The following FSTL5 variants were observed in gnomAD, a reference collection of about 807,000 sequenced individuals.
FSTL5 encodes the protein follistatin-related protein 5.
In FSTL5, 62 loss-of-function variants were observed where a neutral mutation model predicts 89.1. That is an observed-to-expected ratio of 0.70 (90% CI 0.57 to 0.86). The LOEUF (loss-of-function observed/expected upper bound fraction) is 0.86. FSTL5 is among the 40% of genes least tolerant of loss of function. FSTL5 has a pLI of 0.00. For missense variants in FSTL5, 1,057 were observed against 1,001.6 expected, an observed-to-expected ratio of 1.06 and a Z score of -0.75; for synonymous variants, 383 against 346.2, an observed-to-expected ratio of 1.11 and a Z score of -1.18.
intron 4 of FSTL5, among the ~76,000 whole-genome samples, chr4:161,864,749 G>A (rs1732023277): frequency 6.6e-6 from 1 of 151,718 alleles, no homozygotes; most frequent in Non-Finnish European, 1.5e-5. Flanking sequence ...GTGTGCACCT[G>A]TAGTCCCAGT....
chr4:161,616,397 T>C (rs867833786), intron 7 of FSTL5, among the ~76,000 whole-genome samples: 67 of 152,298 alleles, frequency 4.4e-4, no homozygotes, highest in African/African-American at 1.6e-3. Flanking sequence ...CCAGCCTACA[T>C]CTTTCTCTCA....
chr4:161,804,427 T>G (rs1729895412), intron 4 of FSTL5, among the ~76,000 whole-genome samples: 1 of 151,988 alleles, frequency 6.6e-6, no homozygotes, highest in African/African-American at 2.4e-5. Context: ...TTATTTCAAT[T>G]CCATTTTACT....
intron 6 of FSTL5, among the ~76,000 whole-genome samples, chr4:161,709,164 G>A (rs1738689731): frequency 6.6e-6 from 1 of 152,006 alleles, no homozygotes; most frequent in Non-Finnish European, 1.5e-5. Context: ...AGTTTTAGTG[G>A]ACTGGAGGCA....
intron 3 of FSTL5, among the ~76,000 whole-genome samples, chr4:162,011,505 T>C (rs1736765675): frequency 1.3e-5 from 2 of 152,170 alleles, no homozygotes; most frequent in South Asian, 2.1e-4. Flanking sequence ...ACTTTTTTTT[T>C]TCTTTGAGAC....
At chr4:161,811,100 A>G (rs1040755488) in intron 4 of FSTL5, among the ~76,000 whole-genome samples, 4 of 152,200 alleles carry the variant, frequency 2.6e-5, no homozygotes, top group Non-Finnish European at 5.9e-5. Context: ...AAATACAAAT[A>G]TAAACAAACT....
intron 3 of FSTL5, among the ~76,000 whole-genome samples, chr4:161,929,044 T>C (rs1021405398): frequency 6.6e-6 from 1 of 151,716 alleles, no homozygotes; most frequent in Admixed American, 6.6e-5. Context: ...AATTTGTGAT[T>C]CAAGCTGAAT....
intron 4 of FSTL5, among the ~76,000 whole-genome samples, chr4:161,835,289 T>A (rs1378691447): frequency 6.6e-6 from 1 of 152,050 alleles, no homozygotes; most frequent in Non-Finnish European, 1.5e-5. Flanking sequence ...TTACACCTTA[T>A]ACAAAAATTA....
intron 6 of FSTL5, among the ~76,000 whole-genome samples, chr4:161,735,175 G>A (rs75686590): frequency 2.0e-5 from 3 of 152,160 alleles, no homozygotes; most frequent in Admixed American, 1.3e-4. Context: ...AGGGAAAAAC[G>A]TATTTAATGC....
chr4:162,025,984 A>T (rs990101027), intron 3 of FSTL5, among the ~76,000 whole-genome samples: 5 of 151,980 alleles, frequency 3.3e-5, no homozygotes, highest in African/African-American at 1.2e-4. Flanking sequence ...ATTCTAAAAA[A>T]TCCAAGCAAA....
At chr4:161,598,903 A>G (rs1734133539) in intron 7 of FSTL5, among the ~76,000 whole-genome samples, 1 of 152,170 alleles carries the variant, frequency 6.6e-6, no homozygotes, top group Non-Finnish European at 1.5e-5. Context: ...TTAAGAAAAT[A>G]TCTTTATAAT....
chr4:161,433,219 T>C (rs1011389863), intron 15 of FSTL5, among the ~76,000 whole-genome samples: 11 of 152,002 alleles, frequency 7.2e-5, no homozygotes, highest in African/African-American at 2.7e-4. Context: ...ATTTAAAAGT[T>C]ATTCAACATG....
intron 6 of FSTL5, among the ~76,000 whole-genome samples, chr4:161,714,217 G>C (rs1266860183): frequency 6.6e-6 from 1 of 152,056 alleles, no homozygotes; most frequent in Non-Finnish European, 1.5e-5. Flanking sequence ...TCATTAAAGT[G>C]TGTAGAATGA....
chr4:162,112,462 TC>T lies in FSTL5; in HGVS notation c.-16-1051del, dbSNP rs556206769. Among the ~76,000 whole-genome samples the T allele has an allele frequency of 7.9e-4, 121 of 152,256 alleles. 1 individual carries two copies. The highest frequency in any genetic ancestry group is 2.9e-3 in the African/African-American group (120 of 41,558). ...GTTCTCACTATCTTGTCCAGGCTAGTCTTGAACTCCTGGTGTCAAGTGCTTC... is the reference window on the plus strand; with the variant it reads ...GTTCTCACTATCTTGTCCAGGCTAGTTTGAACTCCTGGTGTCAAGTGCTTC... On this transcript the variant is annotated intron_variant, in intron 1 of 15. Coordinates refer to ENST00000306100, the MANE Select transcript of FSTL5 (RefSeq NM_020116.5).
chr4:161,699,890 T>G (rs1015520359), intron 6 of FSTL5, among the ~76,000 whole-genome samples: 9 of 152,154 alleles, frequency 5.9e-5, no homozygotes, highest in Non-Finnish European at 1.2e-4. Flanking sequence ...TTCCATGTTG[T>G]TTTTAAAATG....
At chr4:161,442,011 C>A (rs1379374644) in intron 15 of FSTL5, among the ~76,000 whole-genome samples, 1 of 151,984 alleles carries the variant, frequency 6.6e-6, no homozygotes, top group Non-Finnish European at 1.5e-5. Flanking sequence ...TCAGCTTAAC[C>A]AACTAATTTA....
chr4:162,101,328 T>G (rs1389610752), intron 2 of FSTL5, among the ~76,000 whole-genome samples: 2 of 152,218 alleles, frequency 1.3e-5, no homozygotes, highest in Non-Finnish European at 2.9e-5. Flanking sequence ...AAGAACTTGA[T>G]TTGAACTGTT....
Position 162,138,930 on chromosome 4 carries a change from T to C in FSTL5, c.-17+24685A>G, listed in dbSNP as rs993611419. 5.9e-5 allele frequency among the ~76,000 whole-genome samples: 9 copies of C among 152,098 alleles called. 1 individual carries two copies. The highest frequency in any genetic ancestry group is 2.2e-4 in the African/African-American group (9 of 41,462). Reference sequence around the variant, plus strand: ...TTTACGGAAGAAATTAAATATTTTATTGAAAACATTAAATAATACTTAAAT... The same window carrying C: ...TTTACGGAAGAAATTAAATATTTTACTGAAAACATTAAATAATACTTAAAT... On this transcript the variant is annotated intron_variant, in intron 1 of 15. Transcript: ENST00000306100.
chr4:161,757,313 A>G (rs1322727777), intron 6 of FSTL5, among the ~76,000 whole-genome samples: 1 of 152,068 alleles, frequency 6.6e-6, no homozygotes, highest in South Asian at 2.1e-4. Flanking sequence ...GGCTTTGTAA[A>G]TAACACCTAT....
At chr4:161,411,144 T>C (rs991142349) in intron 15 of FSTL5, among the ~76,000 whole-genome samples, 1 of 152,074 alleles carries the variant, frequency 6.6e-6, no homozygotes, top group African/African-American at 2.4e-5. Flanking sequence ...CAGGAAGAGA[T>C]TGAAAGCGTG....
Sources: allele counts gnomAD v4.1 joint callset (sites outside exome capture counted in the v4.1 genomes callset), GRCh38; gene constraint gnomAD v4.1.1; transcripts MANE v1.5; gene names NCBI Gene and HGNC (gene_info 2026-07-23, HGNC 2026-07-21).